The following SPECC1L variants were observed in gnomAD, a reference collection of about 807,000 sequenced individuals.
SPECC1L encodes the protein sperm antigen with calponin homology and coiled-coil domains 1 like.
SPECC1L carries 40 observed loss-of-function variants against 116.8 expected under a neutral mutation model. The ratio of observed to expected loss-of-function variants is 0.34; its 90% CI spans 0.27 to 0.45. The LOEUF is 0.45. Among genes scored for constraint, SPECC1L ranks in the 20% least tolerant of loss-of-function variants. The pLI, the probability that SPECC1L is intolerant of heterozygous loss-of-function variation, is 1.00. For synonymous variants in SPECC1L, 504 were observed against 500.6 expected (o/e 1.01, Z -0.09); for missense variants, 1,110 against 1,373.6 (o/e 0.81, Z 3.03).
chr22:24,368,964 C>T lies in SPECC1L; in HGVS notation c.2985-254C>T, dbSNP rs548628567. ...GCCCGGCACATTTTAATTTTAAATGCACTTTGTACTGTCTTTGCCACTTTC... is the reference window on the plus strand; with the variant it reads ...GCCCGGCACATTTTAATTTTAAATGTACTTTGTACTGTCTTTGCCACTTTC... On this transcript the variant is annotated intron_variant, in intron 13 of 16. Transcript: ENST00000314328. Among the ~76,000 whole-genome samples, 8 of 152,256 alleles carry T rather than the reference C, an allele frequency of 5.3e-5. 1 individual carries two copies. The South Asian group carries it at 1.0e-3, about 20-fold the overall frequency.
At chr22:24,356,963 C>G (rs192734241) in intron 11 of SPECC1L, among the ~76,000 whole-genome samples, 7 of 151,932 alleles carry the variant, frequency 4.6e-5, no homozygotes, top group Non-Finnish European at 1.0e-4. Flanking sequence ...GTCCCAGTAT[C>G]ACCCCCATCT....
At chr22:24,279,055 C>T (rs2048891359) in intron 2 of SPECC1L, among the ~76,000 whole-genome samples, 1 of 152,180 alleles carries the variant, frequency 6.6e-6, no homozygotes, top group African/African-American at 2.4e-5. Flanking sequence ...AAGGATGCAA[C>T]CGAGAGTACT....
chr22:24,281,790 A>G (rs2048948524), intron 2 of SPECC1L, among the ~76,000 whole-genome samples: 1 of 152,022 alleles, frequency 6.6e-6, no homozygotes, highest in Non-Finnish European at 1.5e-5. Context: ...TCCTTCCTTT[A>G]CTGCACTGGC....
chr22:24,343,301 G>A lies in SPECC1L; in HGVS notation c.2653-3785G>A, dbSNP rs939137094. 1.1e-4 allele frequency among the ~76,000 whole-genome samples: 17 copies of A among 152,102 alleles called. 1 individual carries two copies. Among genetic ancestry groups the A allele is most frequent in the African/African-American group, 3.6e-4 (15 of 41,404 alleles). On this transcript the variant is annotated intron_variant, in intron 10 of 16. Coordinates refer to ENST00000314328, the MANE Select transcript of SPECC1L (RefSeq NM_015330.6). ...ATCAGGAAGCTAAAGCAAGACAAGC[G>A]TATATAAACATACAAACACCCTCAT... is the stretch of plus-strand genomic sequence containing the variant.
intron 9 of SPECC1L, 105 bp downstream of exon 9, chr22:24,334,678 A>G (rs914274225): frequency 1.6e-6 from 2 of 1,242,402 alleles, no homozygotes; most frequent in African/African-American, 3.0e-5. Flanking sequence ...TCTTAGTCCC[A>G]TTAACTTTCA....
chr22:24,385,290 C>A (rs888914584), intron 14 of SPECC1L, among the ~76,000 whole-genome samples: 6 of 151,612 alleles, frequency 4.0e-5, no homozygotes, highest in African/African-American at 1.5e-4. Context: ...TTGATTCATC[C>A]AAAATAAGGC....
At chr22:24,292,346 TC>T (rs1357195494) in intron 2 of SPECC1L, among the ~76,000 whole-genome samples, 1 of 152,192 alleles carries the variant, frequency 6.6e-6, no homozygotes, top group Non-Finnish European at 1.5e-5. Flanking sequence ...TAAGTTGCTG[TC>T]CCTAACCTTG....
chr22:24,312,440 G>C (rs2040480719), intron 3 of SPECC1L, among the ~76,000 whole-genome samples: 1 of 152,240 alleles, frequency 6.6e-6, no homozygotes, highest in South Asian at 2.1e-4. Flanking sequence ...TTATCTGAGA[G>C]AGGGCATGGT....
At chr22:24,312,187 G>A (rs1569415617) in intron 3 of SPECC1L, among the ~76,000 whole-genome samples, 1 of 152,080 alleles carries the variant, frequency 6.6e-6, no homozygotes, top group Non-Finnish European at 1.5e-5. Flanking sequence ...TGCCCAGGCT[G>A]GTGTTGAACT....
chr22:24,304,286 C>G (rs766306686), intron 3 of SPECC1L: 16 of 152,220 alleles, frequency 1.1e-4, no homozygotes, highest in Admixed American at 5.2e-4. Context: ...TCTCATGACT[C>G]TCTTCTTGTA....
chr22:24,347,011 C>A, intron 10 of SPECC1L, 75 bp from the exon 11 acceptor site: 1 of 1,131,514 alleles, frequency 8.8e-7, no homozygotes, highest in Non-Finnish European at 1.3e-6. Flanking sequence ...AACTAAATAT[C>A]TACTCTGTGC....
At chr22:24,397,800 C>G (rs1236306672) in intron 14 of SPECC1L, among the ~76,000 whole-genome samples, 2 of 151,764 alleles carry the variant, frequency 1.3e-5, no homozygotes, top group Admixed American at 6.6e-5. Context: ...TTTTTTCTTT[C>G]TCTTTAAATT....
At chr22:24,407,404 G>A (rs1374688162) in intron 14 of SPECC1L, among the ~76,000 whole-genome samples, 3 of 152,174 alleles carry the variant, frequency 2.0e-5, no homozygotes, top group African/African-American at 2.4e-5. Context: ...TTGAGGAAGC[G>A]GAGGGGGAAG....
At chr22:24,384,245 G>GAA (rs1485954448) in intron 14 of SPECC1L, among the ~76,000 whole-genome samples, 1 of 152,026 alleles carries the variant, frequency 6.6e-6, no homozygotes, top group Admixed American at 6.6e-5. Flanking sequence ...AATTGCTAGA[G>GAA]AAAAAAGATA....
intron 2 of SPECC1L, among the ~76,000 whole-genome samples, chr22:24,291,273 G>A (rs561345463): frequency 6.6e-5 from 10 of 152,186 alleles, no homozygotes; most frequent in South Asian, 2.1e-4. Context: ...TGAAATTTTC[G>A]AACTTCTGAA....
intron 14 of SPECC1L, among the ~76,000 whole-genome samples, chr22:24,405,095 C>T (rs2042558906): frequency 6.6e-6 from 1 of 152,236 alleles, no homozygotes; most frequent in Admixed American, 6.5e-5. Flanking sequence ...ACTGGTGGCC[C>T]CGGCCCTCCT....
At chr22:24,378,655 T>C (rs1191836112) in intron 14 of SPECC1L, among the ~76,000 whole-genome samples, 2 of 152,164 alleles carry the variant, frequency 1.3e-5, no homozygotes, top group Non-Finnish European at 2.9e-5. Flanking sequence ...TTTAATATTT[T>C]TATATCTCAA....
At chr22:24,402,595 G>A (rs903813151) in intron 14 of SPECC1L, among the ~76,000 whole-genome samples, 1 of 152,164 alleles carries the variant, frequency 6.6e-6, no homozygotes, top group Non-Finnish European at 1.5e-5. Flanking sequence ...TAACAGTGTG[G>A]TGTCCTTGTG....
At position 24,322,731 on chromosome 22, in the gene SPECC1L, A is replaced by C; in HGVS notation, c.1751A>C (p.Glu584Ala). Residue 584 changes from glutamate (E) to alanine (A), a missense_variant, in exon 5 of 17, where the codon GAG becomes GCG. Around this residue, in one of 4 missense-constraint regions of SPECC1L, gnomAD observed 575 missense variants for 682.4 expected, o/e 0.84. Coordinates refer to ENST00000314328, the MANE Select transcript of SPECC1L (RefSeq NM_015330.6). ...ATGAATCGCCTGAAGGCTCAGCTGG[A>C]GAATGAAAAGCAGAAAGTGGCAGAG... ...IEMNRLKAQL[E>A]NEKQKVAELY... 1 of 1,585,156 alleles carries C rather than the reference A, an allele frequency of 6.3e-7. No individual in the cohort carries two copies. The highest frequency in any genetic ancestry group is 1.2e-5 in the South Asian group (1 of 85,820).
Sources: gnomAD v4.1 joint callset for allele counts (sites outside exome capture counted in the v4.1 genomes callset) on GRCh38, gnomAD v4.1.1 for gene constraint, gnomAD v4.1.1 regional missense constraint, MANE v1.5 for transcripts, NCBI Gene and HGNC (gene_info 2026-07-23, HGNC 2026-07-21) for gene names.